PIP5K1B: variants seen among roughly 807,000 people sequenced by gnomAD.
The protein encoded by PIP5K1B is phosphatidylinositol 4-phosphate 5-kinase type-1 beta.
Under a neutral mutation model 67.0 loss-of-function variants are expected in PIP5K1B, and 42 were observed. The observed-to-expected ratio is 0.63, with a 90% CI of 0.49 to 0.81. PIP5K1B has a LOEUF of 0.81. Among genes scored for constraint, PIP5K1B ranks in the 30% least tolerant of loss-of-function variants. PIP5K1B has a pLI of 0.00. For missense variants in PIP5K1B, 459 were observed against 646.3 expected, an observed-to-expected ratio of 0.71 and a Z score of 3.14; for synonymous variants, 214 against 231.4, an observed-to-expected ratio of 0.92 and a Z score of 0.68.
intron 4 of PIP5K1B, among the ~76,000 whole-genome samples, chr9:68,852,922 T>A (rs563442723): frequency 2.1e-4 from 32 of 152,256 alleles, no homozygotes; most frequent in Non-Finnish European, 4.0e-4. Context: ...GTGTTTTTTT[T>A]TATAGGACTT....
intron 14 of PIP5K1B, among the ~76,000 whole-genome samples, chr9:68,975,142 C>T (rs539297183): frequency 2.0e-5 from 3 of 152,328 alleles, no homozygotes; most frequent in African/African-American, 4.8e-5. Flanking sequence ...GATCACAGCT[C>T]GCTGCAGCCT....
chr9:68,864,381 T>C (rs565172257), intron 5 of PIP5K1B, among the ~76,000 whole-genome samples: 19 of 152,358 alleles, frequency 1.2e-4, no homozygotes, highest in Non-Finnish European at 2.2e-4. Flanking sequence ...AGGCCCATAA[T>C]TGGGCCTCAA....
chr9:68,983,450 C>G (rs952918002), intron 14 of PIP5K1B, among the ~76,000 whole-genome samples: 1 of 151,898 alleles, frequency 6.6e-6, no homozygotes, highest in Non-Finnish European at 1.5e-5. Flanking sequence ...TATCTTTTTT[C>G]TGTGTGTGTG....
At chr9:69,005,081 T>C (rs1831014223) in intron 15 of PIP5K1B, among the ~76,000 whole-genome samples, 2 of 151,864 alleles carry the variant, frequency 1.3e-5, no homozygotes, top group Non-Finnish European at 1.5e-5. Context: ...TGAGTGTTTA[T>C]AGGAGCTTAT....
chr9:68,936,140 A>G (rs1827255902), intron 13 of PIP5K1B, among the ~76,000 whole-genome samples: 1 of 152,080 alleles, frequency 6.6e-6, no homozygotes. Context: ...TTTTCTGGCC[A>G]TTTGTTGCTA....
chr9:68,924,396 C>T (rs1317261236), intron 12 of PIP5K1B, among the ~76,000 whole-genome samples: 8 of 90,204 alleles, frequency 8.9e-5, no homozygotes, highest in Admixed American at 1.7e-4. Flanking sequence ...AGTGACACTG[C>T]GCCTCAAAAA....
At chr9:68,938,606 T>G (rs1827395275) in intron 13 of PIP5K1B, among the ~76,000 whole-genome samples, 1 of 152,200 alleles carries the variant, frequency 6.6e-6, no homozygotes, top group South Asian at 2.1e-4. Flanking sequence ...AGGTTAATAT[T>G]GTTATGTGTG....
chr9:68,978,949 A>G (rs1829761912), intron 14 of PIP5K1B, among the ~76,000 whole-genome samples: 1 of 152,112 alleles, frequency 6.6e-6, no homozygotes, highest in South Asian at 2.1e-4. Flanking sequence ...TCTCAAATTA[A>G]TTTCTGTATA....
chr9:68,714,668 G>C (rs1827547885), intron 1 of PIP5K1B, among the ~76,000 whole-genome samples: 1 of 152,124 alleles, frequency 6.6e-6, no homozygotes, highest in Non-Finnish European at 1.5e-5. Flanking sequence ...GGCCTTTTGA[G>C]CTCTTGGACA....
At chr9:68,741,387 G>A (rs926183344) in intron 1 of PIP5K1B, among the ~76,000 whole-genome samples, 1 of 152,108 alleles carries the variant, frequency 6.6e-6, no homozygotes, top group Non-Finnish European at 1.5e-5. Context: ...AAGCACCCTT[G>A]GCTTCTGAAT....
At chr9:68,949,817 C>T (rs1008989263) in intron 14 of PIP5K1B, among the ~76,000 whole-genome samples, 1 of 152,164 alleles carries the variant, frequency 6.6e-6, no homozygotes, top group Non-Finnish European at 1.5e-5. Context: ...AGGAAAGTGG[C>T]GTGCAGAAAA....
intron 8 of PIP5K1B, among the ~76,000 whole-genome samples, chr9:68,902,512 G>A (rs749965074): frequency 1.3e-5 from 2 of 152,138 alleles, no homozygotes; most frequent in Non-Finnish European, 2.9e-5. Flanking sequence ...ACATTCACCC[G>A]CTGATGAACA....
chr9:68,744,168 T>C (rs1190014687), intron 2 of PIP5K1B, among the ~76,000 whole-genome samples: 1 of 152,170 alleles, frequency 6.6e-6, no homozygotes, highest in Non-Finnish European at 1.5e-5. Flanking sequence ...TGGACAATGT[T>C]ACAAGGTGGA....
intron 2 of PIP5K1B, among the ~76,000 whole-genome samples, chr9:68,755,989 T>C (rs1829905823): frequency 6.6e-6 from 1 of 152,240 alleles, no homozygotes; most frequent in Admixed American, 6.5e-5. Flanking sequence ...AAGCTGGCCC[T>C]ACTTTGCCAT....
chr9:68,969,218 A>T (rs533042589), intron 14 of PIP5K1B, among the ~76,000 whole-genome samples: 125 of 152,068 alleles, frequency 8.2e-4, no homozygotes, highest in African/African-American at 2.8e-3. Flanking sequence ...AACACAAAAA[A>T]TTAGCCGGGC....
intron 1 of PIP5K1B, among the ~76,000 whole-genome samples, chr9:68,734,508 C>T (rs1163082843): frequency 6.6e-6 from 1 of 152,178 alleles, no homozygotes; most frequent in Non-Finnish European, 1.5e-5. Flanking sequence ...AGTGGTTGAC[C>T]AGTGAAGACT....
intron 2 of PIP5K1B, among the ~76,000 whole-genome samples, chr9:68,751,567 T>G (rs1031489051): frequency 1.3e-5 from 2 of 152,236 alleles, no homozygotes; most frequent in Non-Finnish European, 2.9e-5. Context: ...GTTTTGTGAT[T>G]AGTTCTCATG....
intron 2 of PIP5K1B, chr9:68,780,714 A>C (rs760428557): frequency 1.2e-6 from 2 of 1,613,998 alleles, no homozygotes; most frequent in African/African-American, 1.3e-5. Context: ...CCGATTTACC[A>C]CCCGGAGAAG....
intron 1 of PIP5K1B, among the ~76,000 whole-genome samples, chr9:68,715,249 A>G (rs1033007417): frequency 5.3e-5 from 8 of 152,220 alleles, no homozygotes; most frequent in African/African-American, 1.7e-4. Flanking sequence ...GGTGCTGGAC[A>G]GAGAGAAGCA....
Sources: allele counts gnomAD v4.1 joint callset (sites outside exome capture counted in the v4.1 genomes callset), GRCh38; gene constraint gnomAD v4.1.1; transcripts MANE v1.5; gene names NCBI Gene and HGNC (gene_info 2026-07-23, HGNC 2026-07-21).